Variants in BTBD9 observed in about 807,000 individuals in gnomAD.
BTBD9 encodes the protein BTB domain containing 9.
In BTBD9, 49 loss-of-function variants were observed where a neutral mutation model predicts 64.3. The ratio of observed to expected loss-of-function variants is 0.76; its 90% confidence interval spans 0.61 to 0.97. The LOEUF (loss-of-function observed/expected upper bound fraction) is 0.97, where lower values mean the gene tolerates loss of function less well. Ranked by LOEUF, BTBD9 falls within the 50% of genes least tolerant of loss-of-function variation. The pLI is 0.00. For missense variants in BTBD9, 598 were observed against 762.1 expected (o/e 0.78, Z 2.53); for synonymous variants, 260 against 274.7 (o/e 0.95, Z 0.53).
At chr6:38,440,439 G>A (rs184833666) in intron 6 of BTBD9, among the ~76,000 whole-genome samples, 48 of 152,300 alleles carry the variant, frequency 3.2e-4, no homozygotes, top group Middle Eastern at 6.8e-3. Context: ...ACTCGGAAGA[G>A]ACTACTGGGC....
intron 6 of BTBD9, among the ~76,000 whole-genome samples, chr6:38,545,855 TACACACACACACACACAC>T (rs34465570): frequency 1.5e-4 from 19 of 130,594 alleles, no homozygotes; most frequent in African/African-American, 2.0e-4. Flanking sequence ...CACACACACA[TACACACACACACACACAC>T]ACACACACAC....
At chr6:38,536,508 CAG>C (rs1439497178) in intron 6 of BTBD9, among the ~76,000 whole-genome samples, 1 of 152,056 alleles carries the variant, frequency 6.6e-6, no homozygotes, top group Non-Finnish European at 1.5e-5. Context: ...ATCAGTATAT[CAG>C]AGAGTTATCT....
At chr6:38,365,694 G>A (rs1308456318) in intron 6 of BTBD9, among the ~76,000 whole-genome samples, 1 of 150,424 alleles carries the variant, frequency 6.6e-6, no homozygotes, top group African/African-American at 2.4e-5. Flanking sequence ...GGAGGTTGAG[G>A]TTGTGGTGAA....
At chr6:38,254,668 A>G (rs1177212411) in intron 9 of BTBD9, among the ~76,000 whole-genome samples, 1 of 152,182 alleles carries the variant, frequency 6.6e-6, no homozygotes, top group Non-Finnish European at 1.5e-5. Context: ...AAGATGCTCA[A>G]CATCATTAGC....
chr6:38,630,817 A>T lies in BTBD9; in HGVS notation c.-28+8983T>A, dbSNP rs368803712. On this transcript the variant is annotated intron_variant, in intron 1 of 10. Transcript: ENST00000481247. ...CTTCTAAAGAATGAGACTTGAAATA[A>T]AATGGATCTACTTAGGACCTTACTT... is the stretch of plus-strand genomic sequence containing the variant. Among the ~76,000 whole-genome samples the T allele has an allele frequency of 3.4e-4, 52 of 152,322 alleles. No homozygotes were observed. The Middle Eastern group carries it at 0.01, about 30-fold the overall frequency.
intron 9 of BTBD9, among the ~76,000 whole-genome samples, chr6:38,249,820 C>A (rs555668696): frequency 6.7e-6 from 1 of 149,694 alleles, no homozygotes; most frequent in Non-Finnish European, 1.5e-5. Context: ...GACTCAACAA[C>A]GGGTAAATGT....
intron 6 of BTBD9, among the ~76,000 whole-genome samples, chr6:38,470,848 G>A (rs2127367209): frequency 6.6e-6 from 1 of 152,190 alleles, no homozygotes; most frequent in Middle Eastern, 3.2e-3. Flanking sequence ...AAATGCCAGT[G>A]AGTATCAACT....
At chr6:38,314,386 G>A (rs1320937313) in intron 7 of BTBD9, among the ~76,000 whole-genome samples, 9 of 151,602 alleles carry the variant, frequency 5.9e-5, no homozygotes, top group Admixed American at 1.3e-4. Context: ...TAGTAGAGAC[G>A]GGGTTTCACC....
intron 9 of BTBD9, among the ~76,000 whole-genome samples, chr6:38,230,495 CAAAAAAAAAAAAAAAA>C (rs55927635): frequency 3.2e-5 from 2 of 63,442 alleles, no homozygotes; most frequent in African/African-American, 6.4e-5. Context: ...AACTCCATCT[CAAAAAAAAAAAAAAAA>C]AAAAAAAAAA....
At chr6:38,180,711 G>A (rs9462401) in intron 10 of BTBD9, among the ~76,000 whole-genome samples, 3,610 of 152,292 alleles carry the variant, frequency 0.024, 159 homozygotes, top group African/African-American at 0.08. Context: ...TCTGGCCGCC[G>A]CATCAGTCTC....
rs955880775 is a variant in BTBD9 at position 38,171,875 on chromosome 6, A to C, written c.*3110T>G. 15 of 113,126 alleles carry C rather than the reference A, an allele frequency of 1.3e-4. 1 individual carries two copies. The highest frequency in any genetic ancestry group is 5.1e-4 in the African/African-American group (15 of 29,700). The allele number at this position is 113,126 out of a possible 1,614,324, so 7.0% of individuals were successfully genotyped here. A position where few individuals can be genotyped will look rare whatever the true frequency, so the allele number is the denominator to read the frequency against. ...AAAAAAAAAAAAAAAAAAAAAAAAA[A>C]AAAAAAATAATAATAATAATAATAA... On this transcript the variant is annotated 3_prime_UTR_variant, in exon 11 of 11. Transcript: ENST00000481247.
intron 6 of BTBD9, among the ~76,000 whole-genome samples, chr6:38,407,205 C>T (rs761228984): frequency 2.0e-5 from 3 of 152,102 alleles, no homozygotes; most frequent in African/African-American, 4.8e-5. Context: ...CTTTTGAATC[C>T]GACTTGCAAC....
At chr6:38,400,644 A>T (rs1319127331) in intron 6 of BTBD9, among the ~76,000 whole-genome samples, 1 of 151,362 alleles carries the variant, frequency 6.6e-6, no homozygotes, top group Admixed American at 6.6e-5. Context: ...TCCAATCATC[A>T]CTCCCTAGGA....
At chr6:38,223,545 C>A (rs1763287694) in intron 9 of BTBD9, among the ~76,000 whole-genome samples, 1 of 152,076 alleles carries the variant, frequency 6.6e-6, no homozygotes, top group Non-Finnish European at 1.5e-5. Context: ...CCTATGTTGT[C>A]CAGGCTGGAT....
intron 10 of BTBD9, among the ~76,000 whole-genome samples, chr6:38,175,795 C>T (rs1285501907): frequency 1.3e-5 from 2 of 152,206 alleles, no homozygotes; most frequent in African/African-American, 4.8e-5. Context: ...GAGCTGGTTC[C>T]TGATGCATAG....
At chr6:38,295,234 G>A (rs921610168) in intron 7 of BTBD9, among the ~76,000 whole-genome samples, 2 of 151,978 alleles carry the variant, frequency 1.3e-5, no homozygotes, top group African/African-American at 4.8e-5. Flanking sequence ...GTACGATCAC[G>A]GTTCACTACA....
intron 8 of BTBD9, among the ~76,000 whole-genome samples, chr6:38,275,596 T>C (rs1765359101): frequency 6.6e-6 from 1 of 150,692 alleles, no homozygotes; most frequent in Non-Finnish European, 1.5e-5. Context: ...TGCAACCTAC[T>C]CATCTGACAA....
chr6:38,380,769 T>C (rs766968895), intron 6 of BTBD9, among the ~76,000 whole-genome samples: 3 of 152,074 alleles, frequency 2.0e-5, no homozygotes, highest in African/African-American at 7.2e-5. Flanking sequence ...CCCTTGAGCA[T>C]AGGAGCTCTA....
At chr6:38,612,779 G>A (rs545562182) in intron 1 of BTBD9, 1 of 152,056 alleles carries the variant, frequency 6.6e-6, no homozygotes, top group Non-Finnish European at 1.5e-5. Flanking sequence ...TCAAGTCTGA[G>A]ATGAAGAGGC....
Sources: gnomAD v4.1 joint callset for allele counts (sites outside exome capture counted in the v4.1 genomes callset) on GRCh38, gnomAD v4.1.1 for gene constraint, MANE v1.5 for transcripts, NCBI Gene and HGNC (gene_info 2026-07-23, HGNC 2026-07-21) for gene names.